Variants in GRIA3 observed in about 807,000 individuals in gnomAD.
GRIA3 encodes glutamate receptor 3.
GRIA3 carries 3 observed loss-of-function variants against 63.0 expected under a neutral mutation model. The observed-to-expected ratio is 0.05, with a 90% CI of 0.02 to 0.12. GRIA3 has a LOEUF of 0.12. GRIA3 is among the 10% of genes least tolerant of loss of function. GRIA3 has a pLI of 1.00. For synonymous variants in GRIA3, 274 were observed against 257.9 expected, an observed-to-expected ratio of 1.06 and a Z score of -0.60; for missense variants, 347 against 700.9, an observed-to-expected ratio of 0.50 and a Z score of 5.70.
At chrX:123,448,806 C>A (rs1569438328) in intron 12 of GRIA3, among the ~76,000 whole-genome samples, 1 of 111,495 alleles carries the variant, frequency 9.0e-6, no homozygotes, top group Non-Finnish European at 1.9e-5. Context: ...ACATGTTTTC[C>A]ACATCTCCAT....
intron 5 of GRIA3, among the ~76,000 whole-genome samples, chrX:123,387,639 T>C (rs750026784): frequency 8.9e-6 from 1 of 112,186 alleles, no homozygotes; most frequent in African/African-American, 3.2e-5. Flanking sequence ...GTTTTTATTA[T>C]GAAGGGATGC....
intron 2 of GRIA3, among the ~76,000 whole-genome samples, chrX:123,202,366 G>T (rs748020717): frequency 7.1e-5 from 8 of 112,078 alleles, no homozygotes; most frequent in Non-Finnish European, 1.1e-4. Context: ...TTTCAATAGC[G>T]AGCTCCAAAG....
chrX:123,237,262 A>T (rs528217930), intron 2 of GRIA3, among the ~76,000 whole-genome samples: 2 of 112,298 alleles, frequency 1.8e-5, no homozygotes, highest in South Asian at 7.4e-4. Context: ...CCTGTGGAAG[A>T]CAATTTTAGT....
At chrX:123,446,989 G>A (rs1228602333) in intron 12 of GRIA3, among the ~76,000 whole-genome samples, 2 of 112,323 alleles carry the variant, frequency 1.8e-5, no homozygotes, top group East Asian at 2.8e-4. Flanking sequence ...TGGTAATAAC[G>A]TACTGGCACA....
chrX:123,230,842 G>A (rs772624568), intron 2 of GRIA3, among the ~76,000 whole-genome samples: 1 of 111,651 alleles, frequency 9.0e-6, no homozygotes, highest in South Asian at 3.7e-4. Context: ...GGTTGACAAA[G>A]GAAATAAAAC....
chrX:123,305,447 C>T (rs1000803610), intron 3 of GRIA3, among the ~76,000 whole-genome samples: 7 of 112,334 alleles, frequency 6.2e-5, no homozygotes, highest in African/African-American at 2.3e-4. Flanking sequence ...TATAGATTTT[C>T]TACACATACC....
intron 2 of GRIA3, among the ~76,000 whole-genome samples, chrX:123,218,410 C>T (rs764657020): frequency 4.5e-5 from 5 of 111,980 alleles, no homozygotes; most frequent in Admixed American, 9.5e-5. Context: ...GAGTTCTAAA[C>T]TATCTAAGAA....
At chrX:123,424,777 T>C (rs1454994984) in intron 11 of GRIA3, among the ~76,000 whole-genome samples, 1 of 111,850 alleles carries the variant, frequency 8.9e-6, no homozygotes, top group Admixed American at 9.5e-5. Context: ...GAGTCAGTAC[T>C]AAAGTGGCCA....
chrX:123,241,464 G>GGTTTTGTTTT (rs557414728), intron 2 of GRIA3, among the ~76,000 whole-genome samples: 3 of 110,908 alleles, frequency 2.7e-5, no homozygotes, highest in African/African-American at 9.9e-5. Flanking sequence ...TTGTTGTTGT[G>GGTTTTGTTTT]GTTTTGTTTT....
chrX:123,274,702 C>A (rs971641633), intron 3 of GRIA3, among the ~76,000 whole-genome samples: 1 of 112,128 alleles, frequency 8.9e-6, no homozygotes, highest in South Asian at 3.8e-4. Context: ...GGATGGAGGG[C>A]GCTACCAGGC....
At chrX:123,457,804 AC>A (rs2045770025) in intron 12 of GRIA3, among the ~76,000 whole-genome samples, 1 of 111,611 alleles carries the variant, frequency 9.0e-6, no homozygotes, top group Admixed American at 9.5e-5. Context: ...ACCCTGTCAA[AC>A]TGAGGAATTG....
At chrX:123,339,930 G>A (rs2044998570) in intron 4 of GRIA3, among the ~76,000 whole-genome samples, 1 of 112,531 alleles carries the variant, frequency 8.9e-6, no homozygotes, top group Admixed American at 9.4e-5. Context: ...TATCTGAAAT[G>A]AGACGATTCT....
At chrX:123,203,317 A>C in intron 2 of GRIA3, among the ~76,000 whole-genome samples, 1 of 111,840 alleles carries the variant, frequency 8.9e-6, no homozygotes, top group East Asian at 2.8e-4. Flanking sequence ...GGAAGAAAAA[A>C]ACCCTAGTAT....
At chrX:123,212,481 A>G (rs1928065436) in intron 2 of GRIA3, among the ~76,000 whole-genome samples, 1 of 111,779 alleles carries the variant, frequency 8.9e-6, no homozygotes, top group Non-Finnish European at 1.9e-5. Context: ...GGTCAAATTT[A>G]CTATATGGCA....
intron 3 of GRIA3, among the ~76,000 whole-genome samples, chrX:123,257,846 TAA>T (rs759213483): frequency 1.6e-3 from 175 of 111,308 alleles, no homozygotes; most frequent in Middle Eastern, 9.3e-3. Context: ...ACAACCAGGG[TAA>T]AGTTTTCTCT....
At chrX:123,315,255 G>A (rs967639945) in intron 3 of GRIA3, among the ~76,000 whole-genome samples, 8 of 111,804 alleles carry the variant, frequency 7.2e-5, no homozygotes, top group African/African-American at 2.0e-4. Context: ...ATTTGCTAAC[G>A]GTAAATTAAG....
intron 3 of GRIA3, among the ~76,000 whole-genome samples, chrX:123,309,222 TA>T (rs59713368): frequency 0.031 from 3,454 of 110,977 alleles, 136 homozygotes; most frequent in African/African-American, 0.11. Context: ...CTGTCTCTAC[TA>T]AAAATACAAA....
intron 2 of GRIA3, among the ~76,000 whole-genome samples, chrX:123,228,596 G>A (rs1308493875): frequency 8.9e-6 from 1 of 111,846 alleles, no homozygotes; most frequent in Non-Finnish European, 1.9e-5. Flanking sequence ...ACACCATTGA[G>A]TGTACTGCCT....
rs1288316750 is a variant in GRIA3 at position 123,286,428 on chromosome X, C to T, written c.508+32886C>T. Among the ~76,000 whole-genome samples the T allele has an allele frequency of 6.3e-5, 7 of 111,249 alleles. No homozygotes were observed. In the East Asian group the frequency reaches 1.1e-3, roughly 18 times the overall value. On this transcript the variant is annotated intron_variant, in intron 3 of 15. Transcript: ENST00000620443. ...AGAAATAACTAAGATCAGAGCAGAA[C>T]GAAAGGAGATAGAGACACGAAAAAC...
Sources: allele counts gnomAD v4.1 joint callset (sites outside exome capture counted in the v4.1 genomes callset), GRCh38; gene constraint gnomAD v4.1.1; transcripts MANE v1.5; gene names NCBI Gene and HGNC (gene_info 2026-07-23, HGNC 2026-07-21).